Variants in ADCY7 observed in about 807,000 individuals in gnomAD.
ADCY7 encodes adenylate cyclase type 7.
In ADCY7, 72 loss-of-function variants were observed where a neutral mutation model predicts 120.6. The observed-to-expected ratio is 0.60, with a 90% confidence interval of 0.49 to 0.73. The LOEUF (loss-of-function observed/expected upper bound fraction) is 0.73, where lower values mean the gene tolerates loss of function less well. Ranked by LOEUF, ADCY7 falls within the 30% of genes least tolerant of loss-of-function variation. The probability of loss-of-function intolerance (pLI) is 0.00; values close to 1 mark genes in which losing one functional copy is unlikely to be tolerated. For synonymous variants in ADCY7, 661 were observed against 628.0 expected (o/e 1.05, Z -0.78); for missense variants, 1,227 against 1,486.0 (o/e 0.83, Z 2.87).
Position 50,315,613 on chromosome 16 carries a change from T to C in ADCY7, c.*108T>C. ...CCAATCCCAAAGGCATGCAGATGGC[T>C]GTGCATGTTGGCTTCTTTGGACCTG... On this transcript the variant is annotated 3_prime_UTR_variant, in exon 26 of 26. Transcript: ENST00000673801. 1.4e-6 allele frequency: 2 copies of C among 1,397,742 alleles called. No individual in the cohort carries two copies. The highest frequency in any genetic ancestry group is 2.7e-5 in the South Asian group (2 of 74,448). 86.6% of individuals were successfully genotyped at this position (1,397,742 alleles called of 1,614,324 possible). A position where few individuals can be genotyped will look rare whatever the true frequency, so the allele number is the denominator to read the frequency against.
In ADCY7 at chr16:50,312,209, TGGGGCG is replaced by T. The variant is rs760860922; in HGVS notation, c.2604+24_2604+29del. The T allele has an allele frequency of 9.8e-7, 1 of 1,020,776 alleles. No individual in the cohort carries two copies. The highest frequency in any genetic ancestry group is 5.2e-5 in the East Asian group (1 of 19,194). 63.2% of individuals were successfully genotyped at this position (1,020,776 alleles called of 1,614,324 possible). ...TAAACGAGGTGTGCTGAGAAGGGGC[TGGGGCG>T]GGGGCAGGGAGGCGGACGGTCCAGG... On this transcript the variant is annotated intron_variant, in intron 21 of 25. Coordinates refer to ENST00000673801, the MANE Select transcript of ADCY7 (RefSeq NM_001114.5).
chr16:50,290,388 A>C (rs1007292699), intron 2 of ADCY7, 69 bp from the exon 3 acceptor site: 6 of 1,569,538 alleles, frequency 3.8e-6, no homozygotes, highest in Non-Finnish European at 5.2e-6. Flanking sequence ...CCGGCCCGGC[A>C]GGCTTTCTGG....
At chr16:50,249,153 G>A (rs13336570) in intron 1 of ADCY7, among the ~76,000 whole-genome samples, 3,264 of 152,236 alleles carry the variant, frequency 0.021, 117 homozygotes, top group African/African-American at 0.074. Context: ...AAGTACTCAG[G>A]CTCTGGCCTG....
intron 1 of ADCY7, among the ~76,000 whole-genome samples, chr16:50,247,997 A>ATCTT (rs1474112272): frequency 1.3e-5 from 2 of 152,094 alleles, no homozygotes; most frequent in African/African-American, 4.8e-5. Flanking sequence ...TATCCCTTGT[A>ATCTT]TCTTTAATCA....
chr16:50,310,064 G>T (rs2036350286), intron 18 of ADCY7, among the ~76,000 whole-genome samples: 1 of 152,248 alleles, frequency 6.6e-6, no homozygotes, highest in Admixed American at 6.5e-5. Flanking sequence ...TGCCTGGAGG[G>T]CCTTGCAGAC....
At chr16:50,271,359 C>T (rs1209973777) in intron 1 of ADCY7, among the ~76,000 whole-genome samples, 1 of 152,162 alleles carries the variant, frequency 6.6e-6, no homozygotes, top group Admixed American at 6.5e-5. Flanking sequence ...CTCCCACCTT[C>T]ACCTCCCAAA....
intron 5 of ADCY7, 78 bp from the exon 6 acceptor site, chr16:50,293,276 C>T (rs1174622238): frequency 2.6e-6 from 4 of 1,531,232 alleles, no homozygotes; most frequent in East Asian, 2.3e-5. Context: ...GGACCTGATG[C>T]TACCCTGCCT....
intron 1 of ADCY7, among the ~76,000 whole-genome samples, chr16:50,258,221 G>A (rs548498288): frequency 1.4e-4 from 22 of 152,246 alleles, no homozygotes; most frequent in Non-Finnish European, 3.2e-4. Context: ...GGGTGACAGA[G>A]AGAGCCCCTG....
At chr16:50,285,935 T>C (rs2034552856) in intron 1 of ADCY7, among the ~76,000 whole-genome samples, 2 of 151,842 alleles carry the variant, frequency 1.3e-5, no homozygotes, top group South Asian at 4.2e-4. Context: ...AAGGAATGAA[T>C]GGTGCTGGGG....
chr16:50,303,109 C>T lies in ADCY7; in HGVS notation c.1369-1251C>T, dbSNP rs555436918. The stretch of plus-strand genomic sequence containing the variant: ...CTCAGGGGGCTGGGGTGTCTGGATT[C>T]TCTGCTAAGTGCCAGTGACCTTGAA... On this transcript the variant is annotated intron_variant, in intron 10 of 25. Transcript: ENST00000673801. 1.2e-3 allele frequency among the ~76,000 whole-genome samples: 183 copies of T among 152,294 alleles called. 1 individual carries two copies. Among genetic ancestry groups the T allele is most frequent in the African/African-American group, 4.3e-3 (178 of 41,570 alleles).
At position 50,292,698 on chromosome 16, in the gene ADCY7, T is replaced by G. The variant is rs2035068692; in HGVS notation, c.560T>G (p.Phe187Cys). The G allele has an allele frequency of 3.1e-6, 5 of 1,613,882 alleles. No individual in the cohort carries two copies. The highest frequency in any genetic ancestry group is 4.2e-6 in the Non-Finnish European group (5 of 1,179,954). Residue 187 changes from phenylalanine (F) to cysteine (C), a missense_variant, in exon 5 of 26, where the codon TTC (phenylalanine) becomes TGC (cysteine). Physicochemically the swap from Phe to Cys is radical, Grantham distance 205. This residue lies in a region of ADCY7 where 382 missense variants were observed against 411.4 expected (regional missense o/e 0.93). Transcript: ENST00000673801. Reference protein sequence around the residue: ...GLQLLANAVIFLCGNLTGAFH... With the variant: ...GLQLLANAVICLCGNLTGAFH... The stretch of plus-strand genomic sequence containing the variant: ...CAGCTGCTGGCCAACGCAGTCATCT[T>G]CCTGTGTGGGAACCTGACAGGCGCC...
In ADCY7 at chr16:50,291,542, A is replaced by G. The variant is rs147947388; in HGVS notation, c.376-194A>G. Among the ~76,000 whole-genome samples the G allele has an allele frequency of 3.4e-3, 513 of 152,210 alleles. 8 individuals carry two copies. The East Asian group carries it at 0.059, about 17-fold the overall frequency. On this transcript the variant is annotated intron_variant, in intron 3 of 25. Coordinates refer to ENST00000673801, the MANE Select transcript of ADCY7 (RefSeq NM_001114.5). ...AGTGGATCAGCACAGGAAACCATGA[A>G]CCTTGTGGCCGGGCCCACCCTAGAA...
At chr16:50,276,830 G>C (rs540398568) in intron 1 of ADCY7, among the ~76,000 whole-genome samples, 15 of 152,292 alleles carry the variant, frequency 9.8e-5, no homozygotes, top group African/African-American at 2.9e-4. Context: ...TTGGTCTTAA[G>C]CAGTCCTCCT....
chr16:50,288,465 T>G, intron 2 of ADCY7, 115 bp downstream of exon 2: 1 of 1,190,512 alleles, frequency 8.4e-7, no homozygotes, highest in Non-Finnish European at 1.1e-6. Flanking sequence ...TATGCTTTTT[T>G]GTTTGTTTTG....
At chr16:50,291,686 G>T in intron 3 of ADCY7, 50 bp from the exon 4 acceptor site, 1 of 1,610,616 alleles carries the variant, frequency 6.2e-7, no homozygotes, top group South Asian at 1.1e-5. Context: ...GGGGCTGTAC[G>T]GCCTGGGGCA....
chr16:50,282,965 G>A (rs2034368425), intron 1 of ADCY7, among the ~76,000 whole-genome samples: 1 of 152,162 alleles, frequency 6.6e-6, no homozygotes, highest in Non-Finnish European at 1.5e-5. Context: ...CCTGGCTGGG[G>A]CTGGGCTGTG....
At chr16:50,310,902 T>C (rs993758831) in intron 19 of ADCY7, 22 bp downstream of exon 19, 14 of 1,552,080 alleles carry the variant, frequency 9.0e-6, no homozygotes, top group African/African-American at 1.4e-5. Flanking sequence ...CCCGTCCCCG[T>C]CCCCATCCCC....
At chr16:50,313,920 G>T in intron 22 of ADCY7, 38 bp from the exon 23 acceptor site, 3 of 1,564,200 alleles carry the variant, frequency 1.9e-6, no homozygotes, top group Non-Finnish European at 2.6e-6. Flanking sequence ...TGCGGCTATG[G>T]AGTGGCGGCT....
At chr16:50,286,220 C>T (rs539337884) in intron 1 of ADCY7, among the ~76,000 whole-genome samples, 2 of 151,296 alleles carry the variant, frequency 1.3e-5, no homozygotes, top group Admixed American at 6.6e-5. Flanking sequence ...TGGCAAAACC[C>T]CATCTCTACA....
Sources: gnomAD v4.1 joint callset for allele counts (sites outside exome capture counted in the v4.1 genomes callset) on GRCh38, gnomAD v4.1.1 for gene constraint, gnomAD v4.1.1 regional missense constraint, MANE v1.5 for transcripts, NCBI Gene and HGNC (gene_info 2026-07-23, HGNC 2026-07-21) for gene names.